The following MACROD2 variants were observed in gnomAD, a reference collection of about 807,000 sequenced individuals.
MACROD2 encodes the protein ADP-ribose glycohydrolase MACROD2.
A neutral mutation model predicts 70.4 loss-of-function variants in MACROD2; 36 were observed. That is an observed-to-expected ratio of 0.51 (90% CI 0.39 to 0.68). MACROD2 has a LOEUF of 0.68. Ranked by LOEUF, MACROD2 falls within the 30% of genes least tolerant of loss-of-function variation. The probability of loss-of-function intolerance (pLI) is 0.00; values close to 1 mark genes in which losing one functional copy is unlikely to be tolerated. For missense variants in MACROD2, 496 were observed against 538.4 expected (o/e 0.92, Z 0.78); for synonymous variants, 172 against 178.8 (o/e 0.96, Z 0.30).
intron 5 of MACROD2, among the ~76,000 whole-genome samples, chr20:14,899,910 T>A (rs1002558356): frequency 6.6e-6 from 1 of 152,160 alleles, no homozygotes; most frequent in African/African-American, 2.4e-5. Context: ...AGGGCTCAAA[T>A]TGACATGATT....
chr20:14,521,183 C>T (rs2085165881), intron 4 of MACROD2, among the ~76,000 whole-genome samples: 1 of 152,192 alleles, frequency 6.6e-6, no homozygotes, highest in African/African-American at 2.4e-5. Context: ...TGCCCTTCCT[C>T]ATTCTAAGCA....
intron 7 of MACROD2, among the ~76,000 whole-genome samples, chr20:15,458,643 A>ATTT (rs1300371095): frequency 2.2e-4 from 30 of 137,162 alleles, no homozygotes; most frequent in Non-Finnish European, 4.5e-4. Context: ...TTTTTTTAAA[A>ATTT]AAAAAAAAGA....
chr20:14,530,733 C>T (rs765007147), intron 4 of MACROD2, among the ~76,000 whole-genome samples: 12 of 152,108 alleles, frequency 7.9e-5, no homozygotes, highest in South Asian at 4.1e-4. Flanking sequence ...ATTAAGAGCG[C>T]GGAAAAATAA....
At chr20:15,347,704 T>G (rs2078181729) in intron 6 of MACROD2, among the ~76,000 whole-genome samples, 1 of 152,202 alleles carries the variant, frequency 6.6e-6, no homozygotes, top group Non-Finnish European at 1.5e-5. Context: ...TAATATAAAA[T>G]TCACTTCTTT....
chr20:15,693,950 G>C (rs1171931014), intron 8 of MACROD2, among the ~76,000 whole-genome samples: 1 of 151,298 alleles, frequency 6.6e-6, no homozygotes, highest in Non-Finnish European at 1.5e-5. Context: ...CCACCTATCA[G>C]TGAGAACATA....
intron 4 of MACROD2, among the ~76,000 whole-genome samples, chr20:14,655,388 C>A (rs1985918842): frequency 7.0e-6 from 1 of 142,764 alleles, no homozygotes; most frequent in African/African-American, 2.7e-5. Flanking sequence ...GTGTTCCTGT[C>A]TGAGTTTTGC....
intron 5 of MACROD2, among the ~76,000 whole-genome samples, chr20:15,194,797 C>A (rs1051296514): frequency 6.6e-6 from 1 of 152,076 alleles, no homozygotes; most frequent in Admixed American, 6.6e-5. Flanking sequence ...AAACACTTTT[C>A]TAGTCCAGGA....
chr20:15,323,751 T>C (rs1461389240), intron 6 of MACROD2, among the ~76,000 whole-genome samples: 1 of 152,148 alleles, frequency 6.6e-6, no homozygotes, highest in Non-Finnish European at 1.5e-5. Flanking sequence ...CTGGAAACTT[T>C]TATGACTCTA....
intron 3 of MACROD2, among the ~76,000 whole-genome samples, chr20:14,442,766 G>A (rs1368338355): frequency 1.3e-5 from 2 of 151,948 alleles, no homozygotes; most frequent in East Asian, 3.9e-4. Flanking sequence ...CACAAGAGAT[G>A]GCATAAGAGT....
chr20:14,341,349 A>T (rs2083010484), intron 3 of MACROD2, among the ~76,000 whole-genome samples: 1 of 152,228 alleles, frequency 6.6e-6, no homozygotes, highest in African/African-American at 2.4e-5. Context: ...TGTAAAGAAA[A>T]CAGTTTGGAT....
At chr20:15,429,504 A>G (rs1463073192) in intron 6 of MACROD2, among the ~76,000 whole-genome samples, 1 of 152,154 alleles carries the variant, frequency 6.6e-6, no homozygotes, top group African/African-American at 2.4e-5. Flanking sequence ...ACTCTCTCTG[A>G]AACAAAATCA....
At chr20:14,117,013 G>A (rs1467820502) in intron 3 of MACROD2, among the ~76,000 whole-genome samples, 2 of 148,710 alleles carry the variant, frequency 1.3e-5, no homozygotes, top group African/African-American at 5.0e-5. Context: ...GTTGCAGTGA[G>A]CCGAGATCGT....
At chr20:15,986,823 G>A in intron 14 of MACROD2, 22 bp downstream of exon 14, 1 of 1,558,106 alleles carries the variant, frequency 6.4e-7, no homozygotes, top group Non-Finnish European at 8.8e-7. Context: ...AAAATATATT[G>A]TTATCAGAGA....
intron 8 of MACROD2, among the ~76,000 whole-genome samples, chr20:15,560,876 C>G (rs1482919275): frequency 6.9e-6 from 1 of 144,088 alleles, no homozygotes; most frequent in Non-Finnish European, 1.5e-5. Context: ...TGGTTTATGT[C>G]TAAAACAGAA....
intron 5 of MACROD2, among the ~76,000 whole-genome samples, chr20:15,201,050 C>A (rs1332487237): frequency 1.4e-5 from 2 of 146,752 alleles, no homozygotes; most frequent in African/African-American, 5.5e-5. Flanking sequence ...CAACCACCTC[C>A]CAGGTGCTGC....
Position 15,540,049 on chromosome 20 carries a change from A to G in MACROD2, c.645+40202A>G, listed in dbSNP as rs116575865. Among the ~76,000 whole-genome samples, 1,337 of 152,352 alleles carry G rather than the reference A, an allele frequency of 8.8e-3. 25 individuals carry two copies. Among genetic ancestry groups the G allele is most frequent in the African/African-American group, 0.031 (1,271 of 41,578 alleles). ...TAGACTTAGGTAGAGCGATAAAGTG[A>G]TGACCAACTTACAGCTGAAGGGGAA... On this transcript the variant is annotated intron_variant, in intron 8 of 17. Transcript: ENST00000684519.
At chr20:14,699,354 A>G (rs138791317) in intron 5 of MACROD2, among the ~76,000 whole-genome samples, 7 of 152,320 alleles carry the variant, frequency 4.6e-5, no homozygotes, top group African/African-American at 1.7e-4. Flanking sequence ...AAAAGGGGGA[A>G]TGTTGATGTG....
Position 14,536,225 on chromosome 20 carries a change from A to G in MACROD2, c.301+42717A>G, listed in dbSNP as rs548653493. ...AGTGATCTCCATTTAATATAAAATA[A>G]TTATCTGTGACAATTATTCTTTAAA... is the stretch of plus-strand genomic sequence containing the variant. On this transcript the variant is annotated intron_variant, in intron 4 of 17. Transcript: ENST00000684519. Among the ~76,000 whole-genome samples the G allele has an allele frequency of 2.0e-5, 3 of 152,276 alleles. No individual in the cohort carries two copies. In the East Asian group the frequency reaches 5.8e-4, roughly 29 times the overall value.
At chr20:14,523,691 T>A (rs1453896177) in intron 4 of MACROD2, among the ~76,000 whole-genome samples, 1 of 152,192 alleles carries the variant, frequency 6.6e-6, no homozygotes, top group Non-Finnish European at 1.5e-5. Context: ...ATAGCAGAGA[T>A]CCTACCTAGT....
Sources: gnomAD v4.1 joint callset for allele counts (sites outside exome capture counted in the v4.1 genomes callset) on GRCh38, gnomAD v4.1.1 for gene constraint, MANE v1.5 for transcripts, NCBI Gene and HGNC (gene_info 2026-07-23, HGNC 2026-07-21) for gene names.